The following MAGI2 variants were observed in gnomAD, a reference collection of about 807,000 sequenced individuals.
The protein encoded by MAGI2 is membrane-associated guanylate kinase, WW and PDZ domain-containing protein 2.
MAGI2 carries 35 observed loss-of-function variants against 133.3 expected under a neutral mutation model. That is an observed-to-expected ratio of 0.26 (90% CI 0.20 to 0.35). MAGI2 has a LOEUF of 0.35. Ranked by LOEUF, MAGI2 falls within the 10% of genes least tolerant of loss-of-function variation. The pLI, the probability that MAGI2 is intolerant of heterozygous loss-of-function variation, is 1.00. For synonymous variants in MAGI2, 729 were observed against 710.6 expected (o/e 1.03, Z -0.41); for missense variants, 1,636 against 1,863.4 (o/e 0.88, Z 2.25).
At chr7:79,114,992 A>T (rs539122499) in intron 1 of MAGI2, among the ~76,000 whole-genome samples, 2 of 152,308 alleles carry the variant, frequency 1.3e-5, no homozygotes, top group South Asian at 4.1e-4. Flanking sequence ...CTTGGTGTAT[A>T]TGACTTTCAT....
chr7:79,370,316 A>T (rs1180076862), intron 1 of MAGI2, among the ~76,000 whole-genome samples: 1 of 152,102 alleles, frequency 6.6e-6, no homozygotes, highest in East Asian at 1.9e-4. Context: ...TGTATTAGAT[A>T]ATCTTATCAC....
chr7:78,301,968 G>A (rs1797869331), intron 9 of MAGI2, among the ~76,000 whole-genome samples: 1 of 152,148 alleles, frequency 6.6e-6, no homozygotes, highest in Non-Finnish European at 1.5e-5. Context: ...GTTATCATGA[G>A]GACTAAATGA....
intron 21 of MAGI2, among the ~76,000 whole-genome samples, chr7:78,022,730 TATTC>T (rs1425786807): frequency 1.3e-5 from 2 of 152,112 alleles, no homozygotes; most frequent in Non-Finnish European, 2.9e-5. Context: ...AATGAAAAAA[TATTC>T]ATCCATCCAT....
chr7:78,740,903 T>G (rs1376768313), intron 2 of MAGI2, among the ~76,000 whole-genome samples: 3 of 152,192 alleles, frequency 2.0e-5, no homozygotes, highest in African/African-American at 7.2e-5. Context: ...AAGAATATTA[T>G]TCTCAAGAAC....
intron 6 of MAGI2, among the ~76,000 whole-genome samples, chr7:78,397,110 G>A (rs556724179): frequency 6.6e-6 from 1 of 152,074 alleles, no homozygotes; most frequent in African/African-American, 2.4e-5. Context: ...TCATGAGAAT[G>A]TTTATATTCA....
chr7:79,380,361 G>A lies in MAGI2; in HGVS notation c.301+72659C>T, dbSNP rs145376673. ...TCATTTTCCCTTGTGCTTCCCTTCT[G>A]CTCTATAACAACAATGCTGCATATT... is the stretch of plus-strand genomic sequence containing the variant. On this transcript the variant is annotated intron_variant, in intron 1 of 21. Transcript: ENST00000354212. Among the ~76,000 whole-genome samples the A allele has an allele frequency of 8.6e-5, 13 of 151,782 alleles. No homozygotes were observed. The East Asian group carries it at 1.7e-3, about 20-fold the overall frequency.
At chr7:78,560,727 G>A (rs1800316910) in intron 3 of MAGI2, among the ~76,000 whole-genome samples, 1 of 152,130 alleles carries the variant, frequency 6.6e-6, no homozygotes, top group Middle Eastern at 3.2e-3. Flanking sequence ...CCCTTTGATA[G>A]CCTTTTGTCT....
At chr7:79,130,645 T>C (rs1469121670) in intron 1 of MAGI2, among the ~76,000 whole-genome samples, 1 of 152,198 alleles carries the variant, frequency 6.6e-6, no homozygotes, top group African/African-American at 2.4e-5. Context: ...GTGCCCTACA[T>C]CATTGAATTG....
intron 6 of MAGI2, among the ~76,000 whole-genome samples, chr7:78,394,169 ACT>A: frequency 6.6e-6 from 1 of 152,150 alleles, no homozygotes; most frequent in Admixed American, 6.5e-5. Flanking sequence ...TTCTGGAAGC[ACT>A]TCCCAGTCAC....
intron 2 of MAGI2, among the ~76,000 whole-genome samples, chr7:78,722,051 C>T (rs550973085): frequency 4.6e-5 from 7 of 150,924 alleles, no homozygotes; most frequent in South Asian, 2.1e-4. Context: ...AATAAGTATA[C>T]GTAATTAACT....
intron 10 of MAGI2, among the ~76,000 whole-genome samples, chr7:78,209,520 CA>C (rs750297470): frequency 3.5e-4 from 53 of 151,964 alleles, no homozygotes; most frequent in Non-Finnish European, 6.3e-4. Context: ...CATGGCTTCC[CA>C]AAGTGCTGGG....
At chr7:79,105,061 C>A (rs1391112239) in intron 1 of MAGI2, among the ~76,000 whole-genome samples, 1 of 152,226 alleles carries the variant, frequency 6.6e-6, no homozygotes, top group Non-Finnish European at 1.5e-5. Flanking sequence ...TTGCTCTCCA[C>A]TGATTTCTGC....
At chr7:78,780,805 A>AC (rs1281659785) in intron 2 of MAGI2, among the ~76,000 whole-genome samples, 2 of 152,192 alleles carry the variant, frequency 1.3e-5, no homozygotes, top group Non-Finnish European at 2.9e-5. Flanking sequence ...GGGAAAGTAA[A>AC]CTTTCCTATG....
intron 2 of MAGI2, among the ~76,000 whole-genome samples, chr7:78,944,358 C>G (rs1801232335): frequency 6.6e-6 from 1 of 152,130 alleles, no homozygotes; most frequent in Admixed American, 6.6e-5. Context: ...ATTTCTTCAT[C>G]TTTTCCCCCA....
At chr7:78,055,023 C>A (rs964487428) in intron 21 of MAGI2, among the ~76,000 whole-genome samples, 1 of 152,150 alleles carries the variant, frequency 6.6e-6, no homozygotes, top group Non-Finnish European at 1.5e-5. Flanking sequence ...CTGCCTTGGC[C>A]TCCCAAAGTG....
At chr7:79,379,054 G>A (rs1843597409) in intron 1 of MAGI2, among the ~76,000 whole-genome samples, 1 of 149,684 alleles carries the variant, frequency 6.7e-6, no homozygotes, top group Admixed American at 6.7e-5. Context: ...TTGGTGTGCT[G>A]CACCCATTAA....
At position 78,790,795 on chromosome 7, in the gene MAGI2, G is replaced by A. The variant is rs569348135; in HGVS notation, c.419-163556C>T. On this transcript the variant is annotated intron_variant, in intron 2 of 21. Transcript: ENST00000354212. The stretch of plus-strand genomic sequence containing the variant: ...CAAGCAATAACAAAGCTTACTCTGA[G>A]TACTCACTATACACTTACTATGCCA... Among the ~76,000 whole-genome samples the A allele has an allele frequency of 2.6e-5, 4 of 152,240 alleles. No individual in the cohort carries two copies. The South Asian group carries it at 8.3e-4, about 32-fold the overall frequency.
chr7:79,380,247 A>T (rs1312629830), intron 1 of MAGI2, among the ~76,000 whole-genome samples: 2 of 151,902 alleles, frequency 1.3e-5, no homozygotes, highest in Non-Finnish European at 2.9e-5. Flanking sequence ...CAATCTACTC[A>T]TCTGACAAAG....
chr7:79,056,873 A>G (rs1462975186), intron 1 of MAGI2, among the ~76,000 whole-genome samples: 1 of 152,208 alleles, frequency 6.6e-6, no homozygotes, highest in Non-Finnish European at 1.5e-5. Flanking sequence ...TTAGTGGAGA[A>G]ATTATTTCCC....
Sources: gnomAD v4.1 joint callset for allele counts (sites outside exome capture counted in the v4.1 genomes callset) on GRCh38, gnomAD v4.1.1 for gene constraint, MANE v1.5 for transcripts, NCBI Gene and HGNC (gene_info 2026-07-23, HGNC 2026-07-21) for gene names.